Variants in FAF1 observed in about 807,000 individuals in gnomAD.
The protein encoded by FAF1 is Fas associated factor 1, also known as FAS-associated factor 1.
FAF1 carries 25 observed loss-of-function variants against 92.5 expected under a neutral mutation model. That is an observed-to-expected ratio of 0.27 (90% CI 0.20 to 0.38). The LOEUF (loss-of-function observed/expected upper bound fraction) is 0.38, where lower values mean the gene tolerates loss of function less well. FAF1 is among the 10% of genes least tolerant of loss of function. The pLI, the probability that FAF1 is intolerant of heterozygous loss-of-function variation, is 1.00. For missense variants in FAF1, 636 were observed against 793.3 expected, an observed-to-expected ratio of 0.80 and a Z score of 2.38; for synonymous variants, 234 against 273.2, an observed-to-expected ratio of 0.86 and a Z score of 1.42.
At chr1:50,510,919 G>T (rs189314105) in intron 15 of FAF1, among the ~76,000 whole-genome samples, 1 of 152,152 alleles carries the variant, frequency 6.6e-6, no homozygotes, top group East Asian at 1.9e-4. Flanking sequence ...AAGTACATAG[G>T]TGTTTACTTT....
At chr1:50,510,193 T>G (rs552895006) in intron 15 of FAF1, among the ~76,000 whole-genome samples, 1 of 151,490 alleles carries the variant, frequency 6.6e-6, no homozygotes, top group Non-Finnish European at 1.5e-5. Flanking sequence ...AATTTAAATT[T>G]AAAACTCCAG....
intron 1 of FAF1, among the ~76,000 whole-genome samples, chr1:50,914,552 C>T (rs1644907180): frequency 6.6e-6 from 1 of 152,112 alleles, no homozygotes; most frequent in Non-Finnish European, 1.5e-5. Context: ...AGACTTTATG[C>T]CTTTATGCTT....
At position 50,824,023 on chromosome 1, in the gene FAF1, T is replaced by G. The variant is rs181012821; in HGVS notation, c.115-22346A>C. The stretch of plus-strand genomic sequence containing the variant: ...ATTAAAATCATGTGTTCTGGAAAAT[T>G]ATAAAGGAGACTAAATCTGGTAAAG... On this transcript the variant is annotated intron_variant, in intron 2 of 18. Coordinates refer to ENST00000396153, the MANE Select transcript of FAF1 (RefSeq NM_007051.3). 3.9e-3 allele frequency among the ~76,000 whole-genome samples: 601 copies of G among 152,242 alleles called. 2 individuals are homozygous for G. The highest frequency in any genetic ancestry group is 6.8e-3 in the Middle Eastern group (2 of 294).
At chr1:50,645,610 G>C (rs1175713927) in intron 8 of FAF1, among the ~76,000 whole-genome samples, 1 of 152,198 alleles carries the variant, frequency 6.6e-6, no homozygotes, top group African/African-American at 2.4e-5. Flanking sequence ...AGAACCTGAG[G>C]TCAGGAGTTT....
intron 13 of FAF1, among the ~76,000 whole-genome samples, chr1:50,545,952 A>G (rs1300584108): frequency 6.6e-6 from 1 of 152,232 alleles, no homozygotes; most frequent in Non-Finnish European, 1.5e-5. Context: ...GAAATTGCTT[A>G]AGCCCAGGAG....
intron 8 of FAF1, among the ~76,000 whole-genome samples, chr1:50,617,252 T>C (rs879430286): frequency 3.3e-5 from 5 of 152,216 alleles, no homozygotes; most frequent in Admixed American, 6.5e-5. Context: ...CTTTTGTCCA[T>C]TCAGTATAAT....
At chr1:50,674,269 T>A (rs1569734606) in intron 7 of FAF1, among the ~76,000 whole-genome samples, 1 of 152,204 alleles carries the variant, frequency 6.6e-6, no homozygotes, top group East Asian at 1.9e-4. Flanking sequence ...ATTTTTTTTT[T>A]TTATTGTACC....
intron 1 of FAF1, among the ~76,000 whole-genome samples, chr1:50,905,461 C>T (rs1202867732): frequency 1.3e-5 from 2 of 152,258 alleles, no homozygotes; most frequent in Non-Finnish European, 2.9e-5. Flanking sequence ...AATCGCCACA[C>T]TGTCTTCCAC....
intron 8 of FAF1, among the ~76,000 whole-genome samples, chr1:50,606,223 GTATTT>G (rs1652383715): frequency 1.3e-5 from 2 of 152,106 alleles, no homozygotes; most frequent in African/African-American, 4.8e-5. Context: ...TATCATTTAA[GTATTT>G]TATATCAACT....
At chr1:50,833,548 G>C (rs1404488132) in intron 2 of FAF1, among the ~76,000 whole-genome samples, 1 of 152,016 alleles carries the variant, frequency 6.6e-6, no homozygotes, top group African/African-American at 2.4e-5. Flanking sequence ...AGGCACAATT[G>C]ATTATCATTA....
At chr1:50,695,900 C>T (rs1657184666) in intron 7 of FAF1, among the ~76,000 whole-genome samples, 1 of 150,622 alleles carries the variant, frequency 6.6e-6, no homozygotes, top group Non-Finnish European at 1.5e-5. Context: ...CCATTCGCCT[C>T]GTCCTCCCAA....
intron 2 of FAF1, chr1:50,846,656 T>C (rs1368137236): frequency 1.8e-6 from 1 of 544,312 alleles, no homozygotes; most frequent in East Asian, 4.6e-5. Flanking sequence ...AGGCGGGTAT[T>C]TCCTGGTGAA....
intron 15 of FAF1, among the ~76,000 whole-genome samples, chr1:50,527,826 TCTCTCTCTCTCTCTCTCC>T (rs1259902596): frequency 7.8e-6 from 1 of 127,934 alleles, no homozygotes. Context: ...TCTCTCTCTC[TCTCTCTCTCTCTCTCTCC>T]CTCTCTCCCT....
rs555904610 is a variant in FAF1 at position 50,611,471 on chromosome 1, T to C, written c.745-15255A>G. Among the ~76,000 whole-genome samples the C allele has an allele frequency of 2.0e-5, 3 of 152,288 alleles. No individual in the cohort carries two copies. The South Asian group carries it at 6.2e-4, about 32-fold the overall frequency. ...AAAGACCTAGGATAGTTGGAGGTAG[T>C]TAATATGGACTGCTGTGAGGCTAAT... On this transcript the variant is annotated intron_variant, in intron 8 of 18. Coordinates refer to ENST00000396153, the MANE Select transcript of FAF1 (RefSeq NM_007051.3).
At chr1:50,455,557 G>C (rs531920912) in intron 18 of FAF1, among the ~76,000 whole-genome samples, 11 of 152,256 alleles carry the variant, frequency 7.2e-5, no homozygotes, top group Admixed American at 5.9e-4. Flanking sequence ...TCTAGTTTTC[G>C]GAAGAGAGTT....
chr1:50,530,475 G>T (rs914462591), intron 15 of FAF1, among the ~76,000 whole-genome samples: 1 of 151,342 alleles, frequency 6.6e-6, no homozygotes, highest in Non-Finnish European at 1.5e-5. Context: ...GATAGTAAAA[G>T]GATGTTACCA....
At chr1:50,763,592 C>T (rs1660444345) in intron 4 of FAF1, among the ~76,000 whole-genome samples, 1 of 152,106 alleles carries the variant, frequency 6.6e-6, no homozygotes, top group Non-Finnish European at 1.5e-5. Context: ...AACATCCTTC[C>T]CTCTCCAGCC....
intron 6 of FAF1, among the ~76,000 whole-genome samples, chr1:50,727,505 A>T (rs1658713407): frequency 6.6e-6 from 1 of 152,222 alleles, no homozygotes; most frequent in Non-Finnish European, 1.5e-5. Flanking sequence ...TGTTTCCGAC[A>T]CTTTTTTAGG....
chr1:50,563,496 A>C (rs1433113727), intron 13 of FAF1, among the ~76,000 whole-genome samples: 1 of 152,188 alleles, frequency 6.6e-6, no homozygotes, highest in African/African-American at 2.4e-5. Flanking sequence ...CACTGTTTTA[A>C]GAATGGCTCT....
Sources: allele counts gnomAD v4.1 joint callset (sites outside exome capture counted in the v4.1 genomes callset), GRCh38; gene constraint gnomAD v4.1.1; transcripts MANE v1.5; gene names NCBI Gene and HGNC (gene_info 2026-07-23, HGNC 2026-07-21).